The following ZFHX3 variants were observed in gnomAD, a reference collection of about 807,000 sequenced individuals.
ZFHX3 encodes zinc finger homeobox protein 3.
A neutral mutation model predicts 279.1 loss-of-function variants in ZFHX3; 42 were observed. The observed-to-expected ratio is 0.15, with a 90% CI of 0.12 to 0.19. The LOEUF (loss-of-function observed/expected upper bound fraction) is 0.19, where lower values mean the gene tolerates loss of function less well. ZFHX3 is among the 10% of genes least tolerant of loss of function. The probability of loss-of-function intolerance (pLI) is 1.00; values close to 1 mark genes in which losing one functional copy is unlikely to be tolerated. For synonymous variants in ZFHX3, 2,293 were observed against 1,957.8 expected, an observed-to-expected ratio of 1.17 and a Z score of -4.52; for missense variants, 4,981 against 4,754.0, an observed-to-expected ratio of 1.05 and a Z score of -1.40.
At chr16:73,855,391 T>C (rs1961701970) in intron 1 of ZFHX3, among the ~76,000 whole-genome samples, 1 of 152,176 alleles carries the variant, frequency 6.6e-6, no homozygotes. Context: ...GTGGCCTTCC[T>C]GAATTATCAG....
chr16:73,657,859 A>T (rs142237177), intron 2 of ZFHX3, among the ~76,000 whole-genome samples: 3,798 of 152,316 alleles, frequency 0.025, 152 homozygotes, highest in Admixed American at 0.1. Flanking sequence ...GCAGACAGAC[A>T]TTTGAGCTGT....
chr16:73,463,649 AT>A (rs1162443060), intron 2 of ZFHX3, among the ~76,000 whole-genome samples: 10 of 151,690 alleles, frequency 6.6e-5, no homozygotes, highest in African/African-American at 2.4e-4. Context: ...CCACCTTCCT[AT>A]CACCTTTTAT....
chr16:73,507,645 G>A (rs914908059), intron 2 of ZFHX3, among the ~76,000 whole-genome samples: 7 of 151,898 alleles, frequency 4.6e-5, no homozygotes, highest in South Asian at 2.1e-4. Flanking sequence ...ACAGGTACAC[G>A]CCACCATGCC....
At chr16:72,825,723 G>A (rs2036913532) in intron 5 of ZFHX3, among the ~76,000 whole-genome samples, 1 of 152,206 alleles carries the variant, frequency 6.6e-6, no homozygotes, top group African/African-American at 2.4e-5. Context: ...TACCTATGAT[G>A]CATTCTTTCA....
chr16:73,797,961 T>C (rs1960043141), intron 1 of ZFHX3, among the ~76,000 whole-genome samples: 2 of 151,882 alleles, frequency 1.3e-5, no homozygotes, highest in Non-Finnish European at 2.9e-5. Context: ...CGCTCGCCAC[T>C]ATATCCAGCC....
intron 3 of ZFHX3, among the ~76,000 whole-genome samples, chr16:72,931,041 T>C (rs1362999212): frequency 6.6e-6 from 1 of 152,232 alleles, no homozygotes; most frequent in Non-Finnish European, 1.5e-5. Flanking sequence ...TTTCATTTCA[T>C]AGGTGAAAGT....
Position 72,795,889 on chromosome 16 carries a change from C to T in ZFHX3, c.6793G>A (p.Ala2265Thr), listed in dbSNP as rs1200370103. ...RVLQDFFDAN[A>T]YPKDDEFEQL... is the part of the protein sequence containing the mutation. ...TCAAATTCATCATCCTTTGGGTAAG[C>T]ATTGGCATCGAAGAAGTCCTGTAAG... The change falls in exon 9 of 10, where the codon GCT becomes ACT. Residue 2265 changes from alanine to threonine, a missense_variant. Coordinates refer to ENST00000268489, the MANE Select transcript of ZFHX3 (RefSeq NM_006885.4). 5 of 1,614,066 alleles carry T rather than the reference C, an allele frequency of 3.1e-6. No individual in the cohort carries two copies. Among genetic ancestry groups the T allele is most frequent in the African/African-American group, 2.7e-5 (2 of 74,910 alleles).
At chr16:73,630,817 C>A (rs1160973620) in intron 2 of ZFHX3, among the ~76,000 whole-genome samples, 1 of 152,160 alleles carries the variant, frequency 6.6e-6, no homozygotes, top group Non-Finnish European at 1.5e-5. Context: ...AAATGACAAT[C>A]TTGCTATTTA....
At position 72,907,714 on chromosome 16, in the gene ZFHX3, T is replaced by A. The variant is rs558630293; in HGVS notation, c.3217-17752A>T. On this transcript the variant is annotated intron_variant, in intron 3 of 9. Transcript: ENST00000268489. ...TTTTTTTGATGGGGTCTCATTCTTGTCACCCAAGCTGGAGTTCAGTGGCAG... is the reference window on the plus strand; with the variant it reads ...TTTTTTTGATGGGGTCTCATTCTTGACACCCAAGCTGGAGTTCAGTGGCAG... 1.5e-3 allele frequency among the ~76,000 whole-genome samples: 229 copies of A among 150,896 alleles called. 1 individual carries two copies. Among genetic ancestry groups the A allele is most frequent in the African/African-American group, 5.0e-3 (207 of 41,062 alleles).
At position 72,958,062 on chromosome 16, in the gene ZFHX3, G is replaced by A. The variant is rs1262542686; in HGVS notation, c.2084C>T (p.Pro695Leu). Residue 695 changes from proline (P) to leucine (L), a missense_variant, in exon 2 of 10, where the codon CCG (proline) becomes CTG (leucine). Around this residue, in one of 7 missense-constraint regions of ZFHX3, gnomAD observed 1,068 missense variants for 935.2 expected, o/e 1.14. Transcript: ENST00000268489. ...TLEAHMKEKHPEPGGSCVYCK... is the reference protein window; with the variant it reads ...TLEAHMKEKHLEPGGSCVYCK... ...GTAGACACAGGAGCCCCCCGGCTCC[G>A]GGTGCTTCTCCTTCATGTGTGCCTC... 18 of 1,613,714 alleles carry A rather than the reference G, an allele frequency of 1.1e-5. No homozygotes were observed. Among genetic ancestry groups the A allele is most frequent in the East Asian group, 2.2e-5 (1 of 44,878 alleles).
intron 3 of ZFHX3, among the ~76,000 whole-genome samples, chr16:73,348,314 G>A (rs1226966559): frequency 1.3e-5 from 2 of 152,160 alleles, no homozygotes; most frequent in Non-Finnish European, 2.9e-5. Flanking sequence ...CCATGCAACT[G>A]GGAGCAGCTC....
intron 3 of ZFHX3, among the ~76,000 whole-genome samples, chr16:72,937,184 AG>A (rs553666935): frequency 3.3e-5 from 5 of 152,202 alleles, no homozygotes; most frequent in Non-Finnish European, 7.3e-5. Context: ...AGCTGGATAC[AG>A]GAAGAGGCCT....
At chr16:72,863,925 G>T (rs373019340) in intron 4 of ZFHX3, among the ~76,000 whole-genome samples, 7 of 152,176 alleles carry the variant, frequency 4.6e-5, no homozygotes, top group East Asian at 1.9e-4. Flanking sequence ...GACCATCCTG[G>T]CTAACATGGT....
chr16:73,091,606 C>A (rs1403828684), intron 8 of ZFHX3, among the ~76,000 whole-genome samples: 1 of 152,166 alleles, frequency 6.6e-6, no homozygotes, highest in Non-Finnish European at 1.5e-5. Context: ...CTCTGAGGAC[C>A]CTGATATTTG....
At chr16:73,705,241 A>G (rs1040024263) in intron 1 of ZFHX3, among the ~76,000 whole-genome samples, 1 of 152,194 alleles carries the variant, frequency 6.6e-6, no homozygotes, top group Non-Finnish European at 1.5e-5. Context: ...AAATTCCTGA[A>G]AATGTAGCAA....
chr16:73,504,440 C>T (rs886241576), intron 2 of ZFHX3: 2 of 152,096 alleles, frequency 1.3e-5, no homozygotes, highest in African/African-American at 4.8e-5. Flanking sequence ...GGTTTCAAAA[C>T]CAATTTTCCA....
intron 1 of ZFHX3, among the ~76,000 whole-genome samples, chr16:73,875,229 T>C (rs905736986): frequency 1.1e-4 from 17 of 152,188 alleles, no homozygotes; most frequent in African/African-American, 3.1e-4. Flanking sequence ...TAATCAGCCA[T>C]TTTTGGCTAA....
At chr16:73,051,122 C>G (rs1965442067), upstream of ZFHX3, among the ~76,000 whole-genome samples, 1 of 152,244 alleles carries the variant, frequency 6.6e-6, no homozygotes, top group Non-Finnish European at 1.5e-5. Context: ...CCTGGGCTCT[C>G]TTTTCACAGT....
intron 2 of ZFHX3, among the ~76,000 whole-genome samples, chr16:73,659,902 GA>G (rs1347631319): frequency 6.6e-6 from 1 of 151,982 alleles, no homozygotes; most frequent in African/African-American, 2.4e-5. Context: ...AACATGGATT[GA>G]AAAAAAATTT....
Sources: allele counts gnomAD v4.1 joint callset (sites outside exome capture counted in the v4.1 genomes callset), GRCh38; gene constraint gnomAD v4.1.1; regional missense constraint gnomAD v4.1.1; transcripts MANE v1.5; gene names NCBI Gene and HGNC (gene_info 2026-07-23, HGNC 2026-07-21).